TLL2: variants seen among roughly 807,000 people sequenced by gnomAD.
TLL2 encodes tolloid-like protein 2.
TLL2 carries 106 observed loss-of-function variants against 123.0 expected under a neutral mutation model. The observed-to-expected ratio is 0.86, with a 90% confidence interval of 0.74 to 1.01. The LOEUF (loss-of-function observed/expected upper bound fraction) is 1.01. TLL2 is among the 50% of genes least tolerant of loss of function. The pLI, the probability that TLL2 is intolerant of heterozygous loss-of-function variation, is 0.00. For synonymous variants in TLL2, 494 were observed against 516.8 expected (o/e 0.96, Z 0.60); for missense variants, 1,332 against 1,336.7 (o/e 1.00, Z 0.06).
intron 15 of TLL2, among the ~76,000 whole-genome samples, chr10:96,385,465 G>A (rs572252317): frequency 6.6e-6 from 1 of 152,080 alleles, no homozygotes; most frequent in Non-Finnish European, 1.5e-5. Context: ...TACCCCAAAG[G>A]CCTGATCAGG....
At chr10:96,506,812 C>T (rs1401040765) in intron 1 of TLL2, among the ~76,000 whole-genome samples, 1 of 151,928 alleles carries the variant, frequency 6.6e-6, no homozygotes, top group Admixed American at 6.6e-5. Context: ...CACTACTGGG[C>T]GGGAGAGAAA....
intron 7 of TLL2, among the ~76,000 whole-genome samples, chr10:96,420,168 A>G (rs751865321): frequency 1.3e-5 from 2 of 152,258 alleles, no homozygotes; most frequent in African/African-American, 2.4e-5. Flanking sequence ...GAGACTGAAG[A>G]GAAAGTACCA....
chr10:96,421,572 G>A (rs1411223209), intron 6 of TLL2, among the ~76,000 whole-genome samples: 2 of 151,972 alleles, frequency 1.3e-5, no homozygotes, highest in East Asian at 1.9e-4. Flanking sequence ...GCTGAGGCAG[G>A]AGAATGGTGT....
In TLL2 at chr10:96,427,412, C is replaced by A. The variant is rs1000897320; in HGVS notation, c.638+1219G>T. On this transcript the variant is annotated intron_variant, in intron 5 of 20. Coordinates refer to ENST00000357947, the MANE Select transcript of TLL2 (RefSeq NM_012465.4). ...TCAACGTGACACTGACTTACTTGGG[C>A]TGACAGAAATGAATTAAGTCTCGTG... Among the ~76,000 whole-genome samples, 78 of 152,312 alleles carry A rather than the reference C, an allele frequency of 5.1e-4. 1 individual carries two copies. The highest frequency in any genetic ancestry group is 2.2e-4 in the Non-Finnish European group (15 of 68,026).
intron 16 of TLL2, 98 bp from the exon 17 acceptor site, chr10:96,379,190 C>G (rs1321117472): frequency 1.4e-6 from 2 of 1,462,926 alleles, no homozygotes; most frequent in Non-Finnish European, 1.9e-6. Context: ...TCTGGGAAGC[C>G]TCTCTGATTG....
chr10:96,390,761 G>A (rs1846279497), intron 13 of TLL2, among the ~76,000 whole-genome samples: 1 of 152,196 alleles, frequency 6.6e-6, no homozygotes, highest in African/African-American at 2.4e-5. Context: ...AAGCTGGCTG[G>A]GTACAGTCTC....
rs191585200 is a variant in TLL2, at chr10:96,456,991, A to G, written c.287-10823T>C. ...AGGGAAACAACACGTCCAATTTGGT[A>G]GCACAGCTTTTCTGACCCCAGTGGT... On this transcript the variant is annotated intron_variant, in intron 2 of 20. Coordinates refer to ENST00000357947, the MANE Select transcript of TLL2 (RefSeq NM_012465.4). Among the ~76,000 whole-genome samples, 4 of 152,342 alleles carry G rather than the reference A, an allele frequency of 2.6e-5. No homozygotes were observed. The East Asian group carries it at 7.7e-4, about 29-fold the overall frequency.
At chr10:96,445,948 A>T in intron 3 of TLL2, 143 bp downstream of exon 3, 1 of 818,788 alleles carries the variant, frequency 1.2e-6, no homozygotes, top group Non-Finnish European at 2.0e-6. Flanking sequence ...GGAACTCAAT[A>T]GGGGTAATGG....
At chr10:96,401,221 A>C (rs1846389985) in intron 10 of TLL2, among the ~76,000 whole-genome samples, 2 of 152,184 alleles carry the variant, frequency 1.3e-5, no homozygotes, top group African/African-American at 4.8e-5. Context: ...ATTTTCACAC[A>C]CTGCCCTGGG....
At chr10:96,455,929 T>C (rs1414665377) in intron 2 of TLL2, among the ~76,000 whole-genome samples, 5 of 152,248 alleles carry the variant, frequency 3.3e-5, no homozygotes, top group Non-Finnish European at 7.3e-5. Flanking sequence ...GGCTTCCAAA[T>C]TGCAGGCTAG....
intron 1 of TLL2, among the ~76,000 whole-genome samples, chr10:96,495,109 A>C (rs1308847373): frequency 6.6e-6 from 1 of 151,992 alleles, no homozygotes; most frequent in Non-Finnish European, 1.5e-5. Context: ...TAACTTCCTC[A>C]CTCAGGAAGT....
intron 3 of TLL2, among the ~76,000 whole-genome samples, chr10:96,437,355 T>C (rs932499120): frequency 6.6e-6 from 1 of 152,226 alleles, no homozygotes; most frequent in Non-Finnish European, 1.5e-5. Context: ...AACTAGGATA[T>C]GGGCATTGAT....
At chr10:96,377,670 C>T (rs1198947074) in intron 17 of TLL2, among the ~76,000 whole-genome samples, 1 of 152,192 alleles carries the variant, frequency 6.6e-6, no homozygotes, top group Admixed American at 6.5e-5. Flanking sequence ...ACGGAGGCTC[C>T]ACACTGAAGA....
intron 14 of TLL2, among the ~76,000 whole-genome samples, 187 bp downstream of exon 14, chr10:96,386,766 C>T (rs998329780): frequency 2.0e-5 from 3 of 152,294 alleles, no homozygotes; most frequent in Non-Finnish European, 2.9e-5. Flanking sequence ...GTAATTTGGG[C>T]AGTTTTCTGA....
intron 2 of TLL2, among the ~76,000 whole-genome samples, chr10:96,464,160 G>GGATTACTTGAGTCAGGAGTTC (rs1401972011): frequency 5.3e-5 from 8 of 152,016 alleles, no homozygotes; most frequent in Admixed American, 5.2e-4. Flanking sequence ...GTCAGGAGTA[G>GGATTACTTGAGTCAGGAGTTC]GATTACTTGA....
At chr10:96,418,073 A>G (rs75478527) in intron 7 of TLL2, among the ~76,000 whole-genome samples, 3,446 of 152,200 alleles carry the variant, frequency 0.023, 59 homozygotes, top group Non-Finnish European at 0.036. Context: ...ATTCTGGGGA[A>G]TTTTGATGAG....
At chr10:96,503,474 C>A (rs1191277286) in intron 1 of TLL2, among the ~76,000 whole-genome samples, 1 of 152,162 alleles carries the variant, frequency 6.6e-6, no homozygotes, top group African/African-American at 2.4e-5. Context: ...ATAAGGGGGG[C>A]AGAGGCAGGT....
rs1480345772 is a variant in TLL2 at position 96,513,647 on chromosome 10, CAGT to C, written c.36_38del (p.Leu17del). 1.3e-6 allele frequency: 2 copies of C among 1,586,568 alleles called. No homozygotes were observed. The highest frequency in any genetic ancestry group is 1.7e-6 in the Non-Finnish European group (2 of 1,172,858). Reference sequence around the variant, plus strand: ...CGCGAGGCAGCGGCAGCAGCAGCAGCAGTGACACCAGGGCCCCAAGTGCAGTCG... The same window carrying C: ...CGCGAGGCAGCGGCAGCAGCAGCAGCGACACCAGGGCCCCAAGTGCAGTCG... On this transcript the variant is annotated inframe_deletion, in exon 1 of 21. Transcript: ENST00000357947.
chr10:96,431,321 A>T (rs985157949), intron 4 of TLL2, among the ~76,000 whole-genome samples: 1 of 152,164 alleles, frequency 6.6e-6, no homozygotes, highest in Non-Finnish European at 1.5e-5. Context: ...GCCGTGGGTT[A>T]ATGCTGCGGG....
Sources: allele counts gnomAD v4.1 joint callset (sites outside exome capture counted in the v4.1 genomes callset), GRCh38; gene constraint gnomAD v4.1.1; transcripts MANE v1.5; gene names NCBI Gene and HGNC (gene_info 2026-07-23, HGNC 2026-07-21).